Variants in GALNT14 observed in about 807,000 individuals in gnomAD.
GALNT14 encodes the protein polypeptide N-acetylgalactosaminyltransferase 14, also known as UDP-GalNAc:polypeptide N-acetylgalactosaminyltransferase 14.
Under a neutral mutation model 77.5 loss-of-function variants are expected in GALNT14, and 60 were observed. That is an observed-to-expected ratio of 0.77 (90% CI 0.63 to 0.96). The LOEUF (loss-of-function observed/expected upper bound fraction) is 0.96. Ranked by LOEUF, GALNT14 falls within the 40% of genes least tolerant of loss-of-function variation. The pLI is 0.00. For missense variants in GALNT14, 710 were observed against 731.0 expected, an observed-to-expected ratio of 0.97 and a Z score of 0.33; for synonymous variants, 280 against 281.7, an observed-to-expected ratio of 0.99 and a Z score of 0.06.
intron 1 of GALNT14, among the ~76,000 whole-genome samples, chr2:31,078,211 A>G (rs979570950): frequency 1.3e-5 from 2 of 152,238 alleles, no homozygotes; most frequent in Non-Finnish European, 2.9e-5. Flanking sequence ...ACAGCTGAAA[A>G]GTATCAGGCA....
chr2:31,134,275 G>A (rs1679124713), intron 1 of GALNT14, among the ~76,000 whole-genome samples: 2 of 152,184 alleles, frequency 1.3e-5, no homozygotes, highest in Non-Finnish European at 1.5e-5. Context: ...TTCAAAGGAA[G>A]GGAGCCCACT....
intron 8 of GALNT14, among the ~76,000 whole-genome samples, chr2:30,943,540 G>A (rs565711051): frequency 1.3e-5 from 2 of 152,284 alleles, no homozygotes; most frequent in East Asian, 3.9e-4. Context: ...TATCCCACAA[G>A]AAGAGAACCT....
chr2:31,127,778 T>A (rs1678771148), intron 1 of GALNT14, among the ~76,000 whole-genome samples: 1 of 152,204 alleles, frequency 6.6e-6, no homozygotes, highest in African/African-American at 2.4e-5. Context: ...AAATCATAAT[T>A]TCAGTTTTAA....
At position 31,117,720 on chromosome 2, in the gene GALNT14, T is replaced by C. The variant is rs533288328; in HGVS notation, c.129+20238A>G. ...CTACCCAAACTGACCAAAGAAGTAG[T>C]AGAAAACGTGAAAAGACCTGTTACC... On this transcript the variant is annotated intron_variant, in intron 1 of 14. Coordinates refer to ENST00000349752, the MANE Select transcript of GALNT14 (RefSeq NM_024572.4). Among the ~76,000 whole-genome samples the C allele has an allele frequency of 5.3e-5, 8 of 152,250 alleles. No homozygotes were observed. In the South Asian group the frequency reaches 1.7e-3, roughly 32 times the overall value.
chr2:31,066,953 A>G (rs1675009216), intron 1 of GALNT14, among the ~76,000 whole-genome samples: 1 of 151,960 alleles, frequency 6.6e-6, no homozygotes, highest in Non-Finnish European at 1.5e-5. Context: ...TCACCCCGAC[A>G]TTGCCCAGGG....
chr2:30,961,380 A>C (rs997181977), intron 3 of GALNT14, among the ~76,000 whole-genome samples: 1 of 152,170 alleles, frequency 6.6e-6, no homozygotes, highest in Non-Finnish European at 1.5e-5. Context: ...TTCTGGAGTG[A>C]GACTAACTTG....
chr2:30,967,997 C>A (rs1438283177), intron 2 of GALNT14, among the ~76,000 whole-genome samples: 2 of 152,218 alleles, frequency 1.3e-5, no homozygotes, highest in Non-Finnish European at 2.9e-5. Context: ...AGACCCAGAG[C>A]AAATGTCCCC....
intron 1 of GALNT14, among the ~76,000 whole-genome samples, chr2:31,131,657 G>A (rs2148652333): frequency 6.6e-6 from 1 of 152,300 alleles, no homozygotes; most frequent in South Asian, 2.1e-4. Context: ...AGCTGGGATG[G>A]GGAGGCATGG....
chr2:31,097,511 A>T (rs1189833330), intron 1 of GALNT14, among the ~76,000 whole-genome samples: 1 of 136,914 alleles, frequency 7.3e-6, no homozygotes, highest in African/African-American at 2.9e-5. Context: ...GAGCACCCAA[A>T]TAAACAAACA....
At chr2:31,130,911 C>G (rs1442116098) in intron 1 of GALNT14, among the ~76,000 whole-genome samples, 2 of 152,116 alleles carry the variant, frequency 1.3e-5, no homozygotes, top group Non-Finnish European at 2.9e-5. Flanking sequence ...TTTGGTTAAT[C>G]TAGCATTTCT....
rs1558587125 is a variant in GALNT14 at position 31,128,303 on chromosome 2, C to T, written c.129+9655G>A. On this transcript the variant is annotated intron_variant, in intron 1 of 14. Coordinates refer to ENST00000349752, the MANE Select transcript of GALNT14 (RefSeq NM_024572.4). ...CTAACCAGCAAGACATGGCAGGGTG[C>T]CCCCACATTAGAGGCATGGCCAGGA... is the stretch of plus-strand genomic sequence containing the variant. Among the ~76,000 whole-genome samples, 7 of 151,952 alleles carry T rather than the reference C, an allele frequency of 4.6e-5. No individual in the cohort carries two copies. The South Asian group carries it at 1.5e-3, about 32-fold the overall frequency.
chr2:31,068,670 C>T (rs1410939217), intron 1 of GALNT14, among the ~76,000 whole-genome samples: 6 of 152,136 alleles, frequency 3.9e-5, no homozygotes, highest in Non-Finnish European at 7.4e-5. Flanking sequence ...ACCACTGCCC[C>T]GTGCAGACAG....
At chr2:30,999,649 C>T (rs1302893492) in intron 1 of GALNT14, among the ~76,000 whole-genome samples, 7 of 152,192 alleles carry the variant, frequency 4.6e-5, no homozygotes, top group East Asian at 1.9e-4. Context: ...TTTATATCAA[C>T]GTCTCATGGA....
rs200133273 is a variant in GALNT14 at position 30,929,418 on chromosome 2, G to A, written c.1128C>T (p.Phe376=). The A allele has an allele frequency of 8.7e-6, 14 of 1,614,076 alleles. 2 individuals are homozygous for A. The South Asian group carries it at 8.8e-5, about 10-fold the overall frequency. Residue 376 remains phenylalanine (F), a synonymous_variant, in exon 11 of 15, where the codon TTC becomes TTT. Coordinates refer to ENST00000349752, the MANE Select transcript of GALNT14 (RefSeq NM_024572.4). ...ACTTCCCGAAGGGCCTCTCCAGGGC[G>A]AATGGCCGGGCAGCGTAATAGTATT... is the stretch of plus-strand genomic sequence containing the variant. ...YKQYYYAARP[F]ALERPFGNVE...
At chr2:30,965,628 G>A (rs1667959428) in intron 3 of GALNT14, among the ~76,000 whole-genome samples, 1 of 152,160 alleles carries the variant, frequency 6.6e-6, no homozygotes, top group South Asian at 2.1e-4. Context: ...TCCATAGCAG[G>A]ATACACCTAT....
At chr2:31,122,650 C>T (rs1448666516) in intron 1 of GALNT14, among the ~76,000 whole-genome samples, 1 of 152,200 alleles carries the variant, frequency 6.6e-6, no homozygotes, top group Non-Finnish European at 1.5e-5. Context: ...ATGAGCCACA[C>T]TGAGAAACAA....
intron 1 of GALNT14, among the ~76,000 whole-genome samples, chr2:31,017,530 G>A (rs1671450497): frequency 6.6e-6 from 1 of 152,182 alleles, no homozygotes; most frequent in African/African-American, 2.4e-5. Flanking sequence ...ATGAAGTAAA[G>A]GGTTTAAAGA....
intron 2 of GALNT14, among the ~76,000 whole-genome samples, 199 bp from the exon 3 acceptor site, chr2:30,966,501 T>C (rs369867861): frequency 3.3e-5 from 5 of 152,290 alleles, no homozygotes; most frequent in African/African-American, 1.2e-4. Flanking sequence ...CAAGAATGAC[T>C]AAATCTGAAT....
intron 2 of GALNT14, among the ~76,000 whole-genome samples, chr2:30,991,704 G>A (rs1669717219): frequency 6.6e-6 from 1 of 152,152 alleles, no homozygotes; most frequent in Admixed American, 6.5e-5. Context: ...GCTGCTTTTG[G>A]CAATGATGGG....
Sources: gnomAD v4.1 joint callset for allele counts (sites outside exome capture counted in the v4.1 genomes callset) on GRCh38, gnomAD v4.1.1 for gene constraint, MANE v1.5 for transcripts, NCBI Gene and HGNC (gene_info 2026-07-23, HGNC 2026-07-21) for gene names.